Variants in IFI35 observed in about 807,000 individuals in gnomAD.
The protein encoded by IFI35 is interferon induced protein 35, also known as interferon-induced 35 kDa protein.
A neutral mutation model predicts 28.6 loss-of-function variants in IFI35; 30 were observed. The observed-to-expected ratio is 1.05, with a 90% CI of 0.79 to 1.43. The LOEUF is 1.43. IFI35 is among the 40% of genes most tolerant of loss of function. The pLI is 0.00. For missense variants in IFI35, 372 were observed against 356.9 expected (o/e 1.04, Z -0.34); for synonymous variants, 146 against 154.8 (o/e 0.94, Z 0.42).
At chr17:43,007,643 T>G (rs528997716) in intron 1 of IFI35, among the ~76,000 whole-genome samples, 1 of 150,386 alleles carries the variant, frequency 6.6e-6, no homozygotes, top group East Asian at 2.0e-4. Flanking sequence ...CTGGCCAACA[T>G]AGCAAAACCC....
intron 2 of IFI35, chr17:43,012,745 C>T (rs970612032): frequency 2.8e-6 from 1 of 361,400 alleles, no homozygotes; most frequent in African/African-American, 2.1e-5. Context: ...AACAAAGAAA[C>T]ACAAAAAAGA....
Position 43,014,269 on chromosome 17 carries a change from C to T in IFI35, c.831C>T (p.Gly277=). 6.3e-7 allele frequency: 1 copy of T among 1,587,766 alleles called. No homozygotes were observed. The highest frequency in any genetic ancestry group is 1.2e-5 in the South Asian group (1 of 86,850). ...CAGTCGTACCCCAAGGACAGCAGGG[C>T]CTAGCAGTCTTCACCTCTGAGTCAG... is the stretch of plus-strand genomic sequence containing the variant. ...ALTVVPQGQQ[G]LAVFTSESG The change falls in exon 7 of 7, where the codon GGC becomes GGT. Residue 277 remains glycine (G), a synonymous_variant. Transcript: ENST00000415816.
intron 1 of IFI35, among the ~76,000 whole-genome samples, chr17:43,008,424 C>T (rs2050429119): frequency 6.9e-6 from 1 of 144,198 alleles, no homozygotes; most frequent in Admixed American, 7.1e-5. Flanking sequence ...TCTTGGCTCA[C>T]TGCAACCTCT....
chr17:43,010,570 G>A (rs890572342), intron 1 of IFI35, among the ~76,000 whole-genome samples: 7 of 152,114 alleles, frequency 4.6e-5, no homozygotes, highest in African/African-American at 9.7e-5. Context: ...GCCCTTAAAG[G>A]CACTGTGTTA....
chr17:43,007,937 T>A (rs1359563005), intron 1 of IFI35, among the ~76,000 whole-genome samples: 1 of 149,100 alleles, frequency 6.7e-6, no homozygotes, highest in East Asian at 1.9e-4. Flanking sequence ...TAAAAACTTA[T>A]CCCACTGCTT....
intron 1 of IFI35, among the ~76,000 whole-genome samples, chr17:43,011,473 C>T (rs1312542297): frequency 2.6e-5 from 4 of 151,940 alleles, no homozygotes; most frequent in South Asian, 2.1e-4. Context: ...GAGCCAAGAT[C>T]GCGCCACTGC....
intron 5 of IFI35, 47 bp from the exon 6 acceptor site, chr17:43,013,729 A>T: frequency 5.6e-6 from 9 of 1,608,184 alleles, no homozygotes; most frequent in Non-Finnish European, 7.7e-6. Context: ...GTGCAGGGAG[A>T]GGAGAGGGCT....
In IFI35 at chr17:43,010,129, G is replaced by A. The variant is rs149645324; in HGVS notation, c.22-2050G>A. ...CGGGCACCTGTAGTCCCAGCTAATC[G>A]GGAGGCTGAGGCAGGAGAATGAAGT... On this transcript the variant is annotated intron_variant, in intron 1 of 6. Transcript: ENST00000415816. 3.1e-3 allele frequency among the ~76,000 whole-genome samples: 468 copies of A among 152,048 alleles called. 4 individuals carry two copies. The highest frequency in any genetic ancestry group is 0.011 in the African/African-American group (455 of 41,458).
In IFI35 at chr17:43,010,079, CA is replaced by C. The variant is rs1336886142; in HGVS notation, c.22-2093del. ...TGAAACCCCGTCTCTACTAAAAATA[CA>C]AAAAAATTAGCCAGGCGTGGTGGCG... On this transcript the variant is annotated intron_variant, in intron 1 of 6. Coordinates refer to ENST00000415816, the MANE Select transcript of IFI35 (RefSeq NM_001330230.2). 4.2e-5 allele frequency among the ~76,000 whole-genome samples: 6 copies of C among 141,218 alleles called. No homozygotes were observed. In the South Asian group the frequency reaches 1.4e-3, roughly 32 times the overall value. 92.6% of individuals were successfully genotyped at this position (141,218 alleles called of 152,430 possible). A position where few individuals can be genotyped will look rare whatever the true frequency, so the allele number is the denominator to read the frequency against.
chr17:43,006,898 ACTGT>A lies in IFI35; in HGVS notation c.-49_-46del. ...GAGTTCAGTTGCTGTGAATTCTGCCACTGTGCCCAGCTCTGAAGCCTCAGCTCTT... is the reference window on the plus strand; with the variant it reads ...GAGTTCAGTTGCTGTGAATTCTGCCAGCCCAGCTCTGAAGCCTCAGCTCTT... On this transcript the variant is annotated 5_prime_UTR_variant, in exon 1 of 7. Transcript: ENST00000415816. 6.2e-7 allele frequency: 1 copy of A among 1,610,944 alleles called. No homozygotes were observed. Among genetic ancestry groups the A allele is most frequent in the Non-Finnish European group, 8.5e-7 (1 of 1,177,068 alleles).
At position 43,012,507 on chromosome 17, in the gene IFI35, G is replaced by A. The variant is rs940366994; in HGVS notation, c.120+230G>A. The stretch of plus-strand genomic sequence containing the variant: ...TGTAATCCCAGCACTTTGGGAGGCC[G>A]AGGCTGGTGGATCACCTGAGGTCAG... On this transcript the variant is annotated intron_variant, in intron 2 of 6. Transcript: ENST00000415816. 3.5e-5 allele frequency: 11 copies of A among 310,962 alleles called. No individual in the cohort carries two copies. The South Asian group carries it at 3.7e-4, about 11-fold the overall frequency. The allele number at this position is 310,962 out of a possible 1,614,324, so 19.3% of individuals were successfully genotyped here.
At chr17:43,012,105 C>A in intron 1 of IFI35, 74 bp from the exon 2 acceptor site, 1 of 1,086,636 alleles carries the variant, frequency 9.2e-7, no homozygotes, top group Non-Finnish European at 1.3e-6. Flanking sequence ...CCAGAATAGG[C>A]CCCACTTCCC....
rs2050471901 is a variant in IFI35 at position 43,012,685 on chromosome 17, A to G, written c.121-362A>G. 3 of 261,818 alleles carry G rather than the reference A, an allele frequency of 1.1e-5. No individual in the cohort carries two copies. In the South Asian group the frequency reaches 1.6e-4, roughly 14 times the overall value. The allele number at this position is 261,818 out of a possible 1,614,324, so 16.2% of individuals were successfully genotyped here. A position where few individuals can be genotyped will look rare whatever the true frequency, so the allele number is the denominator to read the frequency against. ...GGGAAGTGGAGGTTGCAGTGAGCCA[A>G]GATCATGCCACTACACTCCAGCTGG... On this transcript the variant is annotated intron_variant, in intron 2 of 6. Transcript: ENST00000415816.
rs200992217 is a variant in IFI35 at position 43,006,968 on chromosome 17, C to G, written c.21C>G (p.Ala7=). The G allele has an allele frequency of 1.9e-6, 3 of 1,613,782 alleles. No individual in the cohort carries two copies. The highest frequency in any genetic ancestry group is 1.6e-4 in the Middle Eastern group (1 of 6,084). Residue 7 remains alanine, a splice_region_variant and synonymous_variant, in exon 1 of 7, where the codon GCC becomes GCG. Coordinates refer to ENST00000415816, the MANE Select transcript of IFI35 (RefSeq NM_001330230.2). ...GACCCATGTCAGCCCCACTGGATGC[C>G]GTAAGTGAGGAGGAGGGAGTTGGGA... MSAPLD[A]ALHALQEEQA... is the part of the protein sequence containing the mutation.
At chr17:43,007,847 T>TATATATATATATATATACATATA (rs2050421792) in intron 1 of IFI35, among the ~76,000 whole-genome samples, 1 of 119,062 alleles carries the variant, frequency 8.4e-6, no homozygotes, top group African/African-American at 3.9e-5. Context: ...CACACAAAAT[T>TATATATATATATATATACATATA]TATATATATA....
chr17:43,014,055 A>C, intron 6 of IFI35, 53 bp from the exon 7 acceptor site: 1 of 1,552,066 alleles, frequency 6.4e-7, no homozygotes, highest in East Asian at 2.2e-5. Flanking sequence ...CCCTACCCCC[A>C]GCCCCCAGCC....
At position 43,013,163 on chromosome 17, in the gene IFI35, C is replaced by G; in HGVS notation, c.237C>G (p.Gly79=). 1 of 1,614,074 alleles carries G rather than the reference C, an allele frequency of 6.2e-7. No homozygotes were observed. The highest frequency in any genetic ancestry group is 1.3e-5 in the African/African-American group (1 of 75,006). ...NLRIHCPLLA[G]SALITFDDPK... is the part of the protein sequence containing the mutation. ...GGATCCACTGCCCTCTGCTTGCGGG[C>G]TCTGCTCTGATCACCTTTGATGACC... Residue 79 remains glycine, a synonymous_variant, in exon 3 of 7, where the codon GGC becomes GGG. Coordinates refer to ENST00000415816, the MANE Select transcript of IFI35 (RefSeq NM_001330230.2).
At chr17:43,011,544 A>T (rs1221461710) in intron 1 of IFI35, among the ~76,000 whole-genome samples, 2 of 152,194 alleles carry the variant, frequency 1.3e-5, no homozygotes, top group African/African-American at 2.4e-5. Context: ...AATAAAAATT[A>T]AAAAAATAAA....
In IFI35 at chr17:43,013,614, C is replaced by G. The variant is rs369228705; in HGVS notation, c.514C>G (p.Arg172Gly). 1.2e-6 allele frequency: 2 copies of G among 1,614,050 alleles called. No homozygotes were observed. The highest frequency in any genetic ancestry group is 2.2e-5 in the South Asian group (2 of 91,064). The stretch of plus-strand genomic sequence containing the variant: ...GAACGGAGGTGGCGATGTGGACGTT[C>G]GGGAGCTACTGCCAGGGAGTGTCAT... ...TRNGGGDVDV[R>G]ELLPGSVMLG... The change falls in exon 5 of 7, where the codon CGG (arginine) becomes GGG (glycine). Residue 172 changes from arginine to glycine, a missense_variant. By Grantham distance (125) the Arg-to-Gly change is moderately radical (BLOSUM62 -2). Transcript: ENST00000415816.
Sources: allele counts gnomAD v4.1 joint callset (sites outside exome capture counted in the v4.1 genomes callset), GRCh38; gene constraint gnomAD v4.1.1; transcripts MANE v1.5; gene names NCBI Gene and HGNC (gene_info 2026-07-23, HGNC 2026-07-21).